Variants in KCNJ14 observed in about 807,000 individuals in gnomAD.
The protein encoded by KCNJ14 is potassium inwardly rectifying channel subfamily J member 14, also known as ATP-sensitive inward rectifier potassium channel 14.
A neutral mutation model predicts 24.5 loss-of-function variants in KCNJ14; 18 were observed. That is an observed-to-expected ratio of 0.74 (90% CI 0.51 to 1.09). The LOEUF (loss-of-function observed/expected upper bound fraction) is 1.09. Among genes scored for constraint, KCNJ14 ranks in the 50% least tolerant of loss-of-function variants. The pLI is 0.00. For missense variants in KCNJ14, 633 were observed against 623.0 expected, an observed-to-expected ratio of 1.02 and a Z score of -0.17; for synonymous variants, 288 against 270.8, an observed-to-expected ratio of 1.06 and a Z score of -0.63.
chr19:48,464,418 T>C lies in KCNJ14; in HGVS notation c.952T>C (p.Ser318Pro), dbSNP rs1157055581. 1.2e-6 allele frequency: 2 copies of C among 1,613,606 alleles called. No individual in the cohort carries two copies. The highest frequency in any genetic ancestry group is 1.7e-6 in the Non-Finnish European group (2 of 1,179,846). Reference protein sequence around the residue: ...EATAMTTQCRSSYLPGELLWG... With the variant: ...EATAMTTQCRPSYLPGELLWG... ...CACAGCCATGACCACACAGTGTCGC[T>C]CGTCCTACCTCCCTGGTGAACTGCT... The change falls in exon 3 of 3, where the codon TCG (serine) becomes CCG (proline). Residue 318 changes from serine (S) to proline (P), a missense_variant. Physicochemically the swap from Ser to Pro is moderately conservative, Grantham distance 74. Transcript: ENST00000342291.
chr19:48,464,107 C>T, intron 2 of KCNJ14, 74 bp from the exon 3 acceptor site: 1 of 1,024,718 alleles, frequency 9.8e-7, no homozygotes, highest in East Asian at 2.4e-5. Flanking sequence ...CTCTGCATCT[C>T]TTCCTCTCTC....
At position 48,462,481 on chromosome 19, in the gene KCNJ14, G is replaced by A. The variant is rs1001416266; in HGVS notation, c.714+43G>A. Reference sequence around the variant, plus strand: ...GGCGGGGACTTCCGTGAGCCCTGGGGGATTGTGGGAGATGTAGGCCCGAGG... The same window carrying A: ...GGCGGGGACTTCCGTGAGCCCTGGGAGATTGTGGGAGATGTAGGCCCGAGG... On this transcript the variant is annotated intron_variant, in intron 2 of 2. Transcript: ENST00000342291. The surrounding 1 kb of genome is among the most constrained non-coding windows in gnomAD (Gnocchi z 4.9). The A allele has an allele frequency of 7.2e-7, 1 of 1,394,926 alleles. No homozygotes were observed. The highest frequency in any genetic ancestry group is 9.5e-7 in the Non-Finnish European group (1 of 1,055,794). 86.4% of individuals were successfully genotyped at this position (1,394,926 alleles called of 1,614,324 possible). A position where few individuals can be genotyped will look rare whatever the true frequency, so the allele number is the denominator to read the frequency against.
chr19:48,459,106 G>A (rs1380447242), intron 1 of KCNJ14, among the ~76,000 whole-genome samples: 1 of 151,364 alleles, frequency 6.6e-6, no homozygotes, highest in African/African-American at 2.4e-5. Flanking sequence ...GCCGGGCGTA[G>A]TGGCAGGCGC....
rs1298001973 is a variant in KCNJ14 at position 48,462,095 on chromosome 19, C to T, written c.371C>T (p.Pro124Leu). The change falls in exon 2 of 3, where the codon CCC becomes CTC. Residue 124 changes from proline (P) to leucine (L), a missense_variant. Transcript: ENST00000342291. This position sits in a 1 kb window ranked among gnomAD's most constrained non-coding sequence, Gnocchi z 4.9. ...GGCGACCTGGCCGCCCCGCCACCGCCCGCGCCCTGCTTCTCACACGTGGCC... is the reference window on the plus strand; with the variant it reads ...GGCGACCTGGCCGCCCCGCCACCGCTCGCGCCCTGCTTCTCACACGTGGCC... Reference protein sequence around the residue: ...LHGDLAAPPPPAPCFSHVASF... With the variant: ...LHGDLAAPPPLAPCFSHVASF... 15 of 1,602,182 alleles carry T rather than the reference C, an allele frequency of 9.4e-6. No individual in the cohort carries two copies. The South Asian group carries it at 1.7e-4, about 18-fold the overall frequency.
chr19:48,462,425 C>CCCA lies in KCNJ14; in HGVS notation c.702_704dup (p.Ala234_Gln235insHis), dbSNP rs1274923078. The CCCA allele has an allele frequency of 1.4e-6, 2 of 1,480,672 alleles. No individual in the cohort carries two copies. The highest frequency in any genetic ancestry group is 1.8e-6 in the Non-Finnish European group (2 of 1,111,808). The allele number at this position is 1,480,672 out of a possible 1,614,324, so 91.7% of individuals were successfully genotyped here. A position where few individuals can be genotyped will look rare whatever the true frequency, so the allele number is the denominator to read the frequency against. ...CACCTGGTCGAGGCCCACGTGCGTG[C>CCCA]CCAGCTGCTGCAGGTGCGCCCGGGA... On this transcript the variant is annotated inframe_insertion, in exon 2 of 3. Transcript: ENST00000342291. This position sits in a 1 kb window ranked among gnomAD's most constrained non-coding sequence, Gnocchi z 4.9.
chr19:48,462,069 CGGCGACCT>C lies in KCNJ14; in HGVS notation c.349_356del (p.Asp117ArgfsTer127). 2.5e-6 allele frequency: 4 copies of C among 1,608,068 alleles called. No homozygotes were observed. Among genetic ancestry groups the C allele is most frequent in the Non-Finnish European group, 3.4e-6 (4 of 1,178,946 alleles). ...CCTTCTGGCTCATTGCCTCGCTGCA[CGGCGACCT>C]GGCCGCCCCGCCACCGCCCGCGCCC... is the stretch of plus-strand genomic sequence containing the variant. On this transcript the variant is annotated frameshift_variant, in exon 2 of 3. Coordinates refer to ENST00000342291, the MANE Select transcript of KCNJ14 (RefSeq NM_013348.4). LOFTEE classifies it high-confidence loss of function. This position sits in a 1 kb window ranked among gnomAD's most constrained non-coding sequence, Gnocchi z 4.9.
intron 1 of KCNJ14, 98 bp from the exon 2 acceptor site, chr19:48,461,572 G>C (rs1229603402): frequency 2.7e-6 from 1 of 372,128 alleles, no homozygotes; most frequent in African/African-American, 2.3e-5. Flanking sequence ...CCACCTATTT[G>C]ACAGATGAGG....
At chr19:48,456,765 G>A (rs1056444239) in intron 1 of KCNJ14, 6 of 152,322 alleles carry the variant, frequency 3.9e-5, no homozygotes, top group South Asian at 2.1e-4. Flanking sequence ...TGAGGGGTGC[G>A]GGTCCATGCC....
At chr19:48,459,837 T>C (rs1971575340) in intron 1 of KCNJ14, among the ~76,000 whole-genome samples, 1 of 152,052 alleles carries the variant, frequency 6.6e-6, no homozygotes, top group African/African-American at 2.4e-5. Context: ...AAGACCAGCC[T>C]GGCCAACATG....
chr19:48,462,209 C>T lies in KCNJ14; in HGVS notation c.485C>T (p.Ala162Val), dbSNP rs1210826678. ...VRSVTEECPA[A>V]VAAVVLQCIA... ...AGCGTCACCGAGGAGTGCCCGGCCG[C>T]TGTGGCCGCCGTGGTGCTGCAGTGC... Residue 162 changes from alanine (A) to valine (V), a missense_variant, in exon 2 of 3, where the codon GCT (alanine) becomes GTT (valine). Transcript: ENST00000342291. The surrounding 1 kb of genome is among the most constrained non-coding windows in gnomAD (Gnocchi z 4.9). The T allele has an allele frequency of 6.4e-7, 1 of 1,553,634 alleles. No homozygotes were observed. Among genetic ancestry groups the T allele is most frequent in the Non-Finnish European group, 8.7e-7 (1 of 1,149,034 alleles).
At chr19:48,456,872 A>G (rs1397426911) in intron 1 of KCNJ14, 3 of 151,778 alleles carry the variant, frequency 2.0e-5, no homozygotes, top group African/African-American at 7.3e-5. Context: ...TTTATTTTTT[A>G]GAGACAGGGT....
At position 48,461,758 on chromosome 19, in the gene KCNJ14, G is replaced by A; in HGVS notation, c.34G>A (p.Gly12Ser). The change falls in exon 2 of 3, where the codon GGC becomes AGC. Residue 12 changes from glycine to serine, a missense_variant. Physicochemically the swap from Gly to Ser is moderately conservative, Grantham distance 56 (BLOSUM62 0). Transcript: ENST00000342291. ...GLARALRRLS[G>S]ALDSGDSRAG... ...GGCCAGGGCCCTACGCCGCCTCAGC[G>A]GCGCCCTGGATTCGGGAGACAGCCG... 1.4e-6 allele frequency: 2 copies of A among 1,443,908 alleles called. No homozygotes were observed. The highest frequency in any genetic ancestry group is 3.0e-5 in the South Asian group (2 of 67,386). 89.4% of individuals were successfully genotyped at this position (1,443,908 alleles called of 1,614,324 possible). A position where few individuals can be genotyped will look rare whatever the true frequency, so the allele number is the denominator to read the frequency against.
chr19:48,461,534 A>AG, intron 1 of KCNJ14, 136 bp from the exon 2 acceptor site: 1 of 364,700 alleles, frequency 2.7e-6, no homozygotes, highest in African/African-American at 2.2e-5. Context: ...TCTCCAAAAA[A>AG]AAAAAAAAAA....
chr19:48,462,507 G>A lies in KCNJ14; in HGVS notation c.714+69G>A. On this transcript the variant is annotated intron_variant, in intron 2 of 2. Coordinates refer to ENST00000342291, the MANE Select transcript of KCNJ14 (RefSeq NM_013348.4). This position sits in a 1 kb window ranked among gnomAD's most constrained non-coding sequence, Gnocchi z 4.9. The stretch of plus-strand genomic sequence containing the variant: ...GATTGTGGGAGATGTAGGCCCGAGG[G>A]CGAGGGGCGTGCGGTCCTGGAGGGG... The A allele has an allele frequency of 8.0e-7, 1 of 1,245,446 alleles. No individual in the cohort carries two copies. Among genetic ancestry groups the A allele is most frequent in the Non-Finnish European group, 1.1e-6 (1 of 925,662 alleles). The allele number at this position is 1,245,446 out of a possible 1,614,324, so 77.1% of individuals were successfully genotyped here.
chr19:48,462,432 G>A lies in KCNJ14; in HGVS notation c.708G>A (p.Leu236=). The change falls in exon 2 of 3, where the codon CTG becomes CTA. Residue 236 remains leucine (L), a synonymous_variant. Coordinates refer to ENST00000342291, the MANE Select transcript of KCNJ14 (RefSeq NM_013348.4). The surrounding 1 kb of genome is among the most constrained non-coding windows in gnomAD (Gnocchi z 4.9). The part of the protein sequence containing the change: ...HLVEAHVRAQ[L]LQPRVTPEGE... The stretch of plus-strand genomic sequence containing the variant: ...TCGAGGCCCACGTGCGTGCCCAGCT[G>A]CTGCAGGTGCGCCCGGGAGGAGAGG... 1 of 1,472,434 alleles carries A rather than the reference G, an allele frequency of 6.8e-7. No homozygotes were observed. Among genetic ancestry groups the A allele is most frequent in the Non-Finnish European group, 9.0e-7 (1 of 1,108,772 alleles). 91.2% of individuals were successfully genotyped at this position (1,472,434 alleles called of 1,614,324 possible). A position where few individuals can be genotyped will look rare whatever the true frequency, so the allele number is the denominator to read the frequency against.
Position 48,464,991 on chromosome 19 carries a change from C to A in KCNJ14, c.*214C>A, listed in dbSNP as rs760763071. On this transcript the variant is annotated 3_prime_UTR_variant, in exon 3 of 3. Transcript: ENST00000342291. ...TGCTTCTGTGCTCCCTCCTGAGAAC[C>A]CTTTATGAGCCTGATTCCTCAGTCT... 2.8e-5 allele frequency: 16 copies of A among 562,244 alleles called. No individual in the cohort carries two copies. Among genetic ancestry groups the A allele is most frequent in the Non-Finnish European group, 5.1e-5 (16 of 315,400 alleles). The allele number at this position is 562,244 out of a possible 1,614,324, so 34.8% of individuals were successfully genotyped here.
chr19:48,459,240 CAAA>C (rs748195965), intron 1 of KCNJ14, among the ~76,000 whole-genome samples: 13 of 59,170 alleles, frequency 2.2e-4, no homozygotes, highest in East Asian at 1.0e-3. Flanking sequence ...ACTCCGTCTC[CAAA>C]AAAAAAAAAA....
At position 48,464,514 on chromosome 19, in the gene KCNJ14, C is replaced by T; in HGVS notation, c.1048C>T (p.His350Tyr). The T allele has an allele frequency of 6.2e-7, 1 of 1,614,182 alleles. No homozygotes were observed. The highest frequency in any genetic ancestry group is 1.1e-5 in the South Asian group (1 of 91,086). Reference sequence around the variant, plus strand: ...GTATGAGGTCGACTATCGCCACTTCCATCGCACTTATGAGGTCCCAGGGAC... The same window carrying T: ...GTATGAGGTCGACTATCGCCACTTCTATCGCACTTATGAGGTCCCAGGGAC... Reference protein sequence around the residue: ...SQYEVDYRHFHRTYEVPGTPV... With the variant: ...SQYEVDYRHFYRTYEVPGTPV... The change falls in exon 3 of 3, where the codon CAT (histidine) becomes TAT (tyrosine). Residue 350 changes from histidine (H) to tyrosine (Y), a missense_variant. Physicochemically the swap from His to Tyr is moderately conservative, Grantham distance 83. Transcript: ENST00000342291.
Position 48,462,510 on chromosome 19 carries a change from AGGGGCGTGCGGTCCTGGAG to A in KCNJ14, c.714+81_714+99del, listed in dbSNP as rs1192237308. 9.5e-5 allele frequency: 115 copies of A among 1,214,102 alleles called. 1 individual carries two copies. The East Asian group carries it at 1.5e-3, about 15-fold the overall frequency. The allele number at this position is 1,214,102 out of a possible 1,614,324, so 75.2% of individuals were successfully genotyped here. ...TGTGGGAGATGTAGGCCCGAGGGCG[AGGGGCGTGCGGTCCTGGAG>A]GGGGCGTGGACTACAACTCCCAGCA... On this transcript the variant is annotated intron_variant, in intron 2 of 2. Transcript: ENST00000342291. This position sits in a 1 kb window ranked among gnomAD's most constrained non-coding sequence, Gnocchi z 4.9.
Sources: allele counts gnomAD v4.1 joint callset (sites outside exome capture counted in the v4.1 genomes callset), GRCh38; gene constraint gnomAD v4.1.1; non-coding constraint Gnocchi (gnomAD v3.1); transcripts MANE v1.5; gene names NCBI Gene and HGNC (gene_info 2026-07-23, HGNC 2026-07-21).